Variants in RASEF observed in about 807,000 individuals in gnomAD.
The protein encoded by RASEF is ras and EF-hand domain-containing protein.
RASEF carries 68 observed loss-of-function variants against 90.1 expected under a neutral mutation model. The ratio of observed to expected loss-of-function variants is 0.75; its 90% confidence interval spans 0.62 to 0.92. The LOEUF is 0.92. RASEF is among the 40% of genes least tolerant of loss of function. The pLI is 0.00. For missense variants in RASEF, 949 were observed against 937.2 expected (o/e 1.01, Z -0.16); for synonymous variants, 331 against 345.2 (o/e 0.96, Z 0.46).
At chr9:83,012,549 A>C (rs1829267759) in intron 4 of RASEF, 38 bp from the exon 5 acceptor site, 6 of 1,286,280 alleles carry the variant, frequency 4.7e-6, no homozygotes, top group Non-Finnish European at 5.5e-6. Flanking sequence ...TTACAAACTC[A>C]CTTTGAATTG....
At chr9:83,023,824 C>G in intron 2 of RASEF, among the ~76,000 whole-genome samples, 1 of 152,230 alleles carries the variant, frequency 6.6e-6, no homozygotes, top group East Asian at 1.9e-4. Context: ...CTTCTTCTAG[C>G]TATCCAATCC....
the RASEF span, among the ~76,000 whole-genome samples, chr9:83,164,570 G>C: frequency 6.7e-6 from 1 of 149,428 alleles, no homozygotes; most frequent in Non-Finnish European, 1.5e-5. Flanking sequence ...AAGCATAATT[G>C]GTTTACTAAG....
chr9:83,156,404 C>T, the RASEF span, among the ~76,000 whole-genome samples: 1 of 152,232 alleles, frequency 6.6e-6, no homozygotes, highest in African/African-American at 2.4e-5. Context: ...CCAGTTCCAG[C>T]TTTCAGTCTC....
chr9:83,056,702 G>A (rs1830109393), intron 1 of RASEF, among the ~76,000 whole-genome samples: 1 of 152,248 alleles, frequency 6.6e-6, no homozygotes, highest in Admixed American at 6.5e-5. Context: ...TAAATCACAA[G>A]TTCAGGTTTG....
chr9:83,141,452 A>G, the RASEF span, among the ~76,000 whole-genome samples: 18 of 152,238 alleles, frequency 1.2e-4, no homozygotes, highest in African/African-American at 4.3e-4. Context: ...GATCTAACAT[A>G]CATGAAAAGG....
At chr9:83,000,082 G>A in intron 12 of RASEF, 87 bp downstream of exon 12, 1 of 1,199,600 alleles carries the variant, frequency 8.3e-7, no homozygotes, top group Non-Finnish European at 1.2e-6. Context: ...ACTGTTAACT[G>A]AGCATCTGTG....
chr9:83,066,845 A>G (rs974806255), upstream of RASEF, among the ~76,000 whole-genome samples: 6 of 152,224 alleles, frequency 3.9e-5, no homozygotes, highest in African/African-American at 1.4e-4. Flanking sequence ...GTATTTGACT[A>G]TGGTAACTTT....
the RASEF span, among the ~76,000 whole-genome samples, chr9:83,158,025 T>C: frequency 6.6e-6 from 1 of 152,196 alleles, no homozygotes; most frequent in African/African-American, 2.4e-5. Context: ...CTGGAAAGCA[T>C]GAATTTTCAT....
chr9:83,034,646 AG>A (rs1829706488), intron 1 of RASEF, among the ~76,000 whole-genome samples: 1 of 152,232 alleles, frequency 6.6e-6, no homozygotes, highest in African/African-American at 2.4e-5. Context: ...GGATAGAAAC[AG>A]CAGGAAGCAT....
At chr9:83,085,849 C>T in the RASEF span, among the ~76,000 whole-genome samples, 14 of 152,008 alleles carry the variant, frequency 9.2e-5, no homozygotes, top group South Asian at 4.2e-4. Flanking sequence ...CGCTGGAATC[C>T]GAGAAGTGGA....
intron 16 of RASEF, among the ~76,000 whole-genome samples, chr9:82,983,102 C>A (rs1326620706): frequency 1.5e-5 from 2 of 132,566 alleles, no homozygotes; most frequent in Non-Finnish European, 3.2e-5. Context: ...TTTCTGAGTA[C>A]CAGGCCACAC....
chr9:83,145,836 G>T, the RASEF span, among the ~76,000 whole-genome samples: 1 of 151,968 alleles, frequency 6.6e-6, no homozygotes, highest in Non-Finnish European at 1.5e-5. Context: ...ATTTGGGTCT[G>T]GATTCCCTAG....
intron 1 of RASEF, among the ~76,000 whole-genome samples, chr9:83,028,354 G>A (rs1829583655): frequency 1.3e-5 from 2 of 152,108 alleles, no homozygotes; most frequent in South Asian, 2.1e-4. Flanking sequence ...CCAGGTGCTC[G>A]TCTAGTTTTT....
rs533983582 is a variant in RASEF at position 82,996,762 on chromosome 9, T to C, written c.1920+250A>G. 9.2e-5 allele frequency among the ~76,000 whole-genome samples: 14 copies of C among 152,294 alleles called. No individual in the cohort carries two copies. The South Asian group carries it at 2.7e-3, about 29-fold the overall frequency. ...CTTACGATGGGATTCTGATTTTATC[T>C]ATAAGAAAACCTAGAAGTTTTATTC... On this transcript the variant is annotated intron_variant, in intron 14 of 16. Transcript: ENST00000376447.
chr9:83,009,811 G>T, intron 5 of RASEF, 55 bp from the exon 6 acceptor site: 2 of 1,093,498 alleles, frequency 1.8e-6, no homozygotes, highest in Non-Finnish European at 2.8e-6. Context: ...CTGCCTGGGA[G>T]AAATGAAGTA....
At chr9:83,182,545 C>G in the RASEF span, among the ~76,000 whole-genome samples, 18 of 152,248 alleles carry the variant, frequency 1.2e-4, no homozygotes, top group African/African-American at 4.3e-4. Context: ...AGTATAATTT[C>G]ATTAAAACAT....
chr9:83,046,037 A>C (rs1307652815), intron 1 of RASEF, among the ~76,000 whole-genome samples: 10 of 151,814 alleles, frequency 6.6e-5, no homozygotes, highest in Non-Finnish European at 1.3e-4. Context: ...AAAAAAAAAA[A>C]AACCCTGCAA....
At chr9:83,166,224 C>T in the RASEF span, among the ~76,000 whole-genome samples, 2 of 152,064 alleles carry the variant, frequency 1.3e-5, no homozygotes, top group Admixed American at 1.3e-4. Flanking sequence ...AAACTACAGA[C>T]CAATAGTTCT....
In RASEF at chr9:82,988,498, C is replaced by A. The variant is rs151015556; in HGVS notation, c.2117+1893G>T. On this transcript the variant is annotated intron_variant, in intron 16 of 16. Transcript: ENST00000376447. ...GATGAAATGGTTTGGATGTTTGTCC[C>A]CTCCAAATCTCATGTGGAAATCTGA... Among the ~76,000 whole-genome samples, 1,385 of 152,060 alleles carry A rather than the reference C, an allele frequency of 9.1e-3. 23 individuals are homozygous for A. Among genetic ancestry groups the A allele is most frequent in the African/African-American group, 0.032 (1,339 of 41,468 alleles).
Sources: allele counts gnomAD v4.1 joint callset (sites outside exome capture counted in the v4.1 genomes callset), GRCh38; gene constraint gnomAD v4.1.1; transcripts MANE v1.5; gene names NCBI Gene and HGNC (gene_info 2026-07-23, HGNC 2026-07-21).